Variants in ARMC2 observed in about 807,000 individuals in gnomAD.
ARMC2 encodes the protein armadillo repeat containing 2.
ARMC2 carries 67 observed loss-of-function variants against 90.3 expected under a neutral mutation model. That is an observed-to-expected ratio of 0.74 (90% CI 0.61 to 0.91). ARMC2 has a LOEUF of 0.91. Ranked by LOEUF, ARMC2 falls within the 40% of genes least tolerant of loss-of-function variation. The pLI is 0.00. For synonymous variants in ARMC2, 393 were observed against 393.0 expected (o/e 1.00, Z 0.00); for missense variants, 920 against 1,030.9 (o/e 0.89, Z 1.47).
At chr6:108,877,203 A>G (rs1777023355) in intron 5 of ARMC2, among the ~76,000 whole-genome samples, 1 of 152,238 alleles carries the variant, frequency 6.6e-6, no homozygotes, top group Non-Finnish European at 1.5e-5. Context: ...GATTTGCTTA[A>G]CAAGATTAAA....
chr6:108,858,359 C>T (rs936594915), intron 3 of ARMC2, 88 bp downstream of exon 3: 2 of 920,984 alleles, frequency 2.2e-6, no homozygotes, highest in African/African-American at 1.6e-5. Context: ...CTTATATATG[C>T]TATGATAATT....
At chr6:109,017,218 GAAA>G in the ARMC2 span, among the ~76,000 whole-genome samples, 1 of 152,196 alleles carries the variant, frequency 6.6e-6, no homozygotes, top group Non-Finnish European at 1.5e-5. Context: ...CCAATTAACA[GAAA>G]ACTTGATACT....
At chr6:108,973,001 A>G (rs62427208) in intron 17 of ARMC2, among the ~76,000 whole-genome samples, 2,571 of 152,236 alleles carry the variant, frequency 0.017, 39 homozygotes, top group Middle Eastern at 0.034. Context: ...GCCCATTTAA[A>G]TTAAGATACC....
intron 15 of ARMC2, 59 bp from the exon 16 acceptor site, chr6:108,964,121 A>G: frequency 1.9e-6 from 3 of 1,573,158 alleles, no homozygotes; most frequent in Non-Finnish European, 1.7e-6. Flanking sequence ...TCTGTAAAAC[A>G]AGAGACAGCT....
chr6:109,009,644 C>G, the ARMC2 span: 1 of 801,340 alleles, frequency 1.2e-6, no homozygotes, highest in South Asian at 5.7e-5. Context: ...CAAGCCAATG[C>G]GGGCTCGCGT....
At chr6:108,997,540 C>T in the ARMC2 span, among the ~76,000 whole-genome samples, 2 of 152,164 alleles carry the variant, frequency 1.3e-5, no homozygotes, top group Non-Finnish European at 2.9e-5. Flanking sequence ...TCTTATTTAG[C>T]ACCTGACAAA....
At chr6:108,959,071 A>G (rs531802368) in intron 13 of ARMC2, among the ~76,000 whole-genome samples, 33 of 152,268 alleles carry the variant, frequency 2.2e-4, no homozygotes, top group Non-Finnish European at 4.6e-4. Context: ...TTCCCTTTTT[A>G]TATACTTAAA....
In ARMC2 at chr6:108,953,320, G is replaced by A. The variant is rs111973916; in HGVS notation, c.1884G>A (p.Pro628=). 43 of 1,607,860 alleles carry A rather than the reference G, an allele frequency of 2.7e-5. No homozygotes were observed. Among genetic ancestry groups the A allele is most frequent in the African/African-American group, 2.7e-5 (2 of 75,058 alleles). The change falls in exon 13 of 18, where the codon CCG becomes CCA. Residue 628 remains proline (P), a synonymous_variant. Transcript: ENST00000392644. The part of the protein sequence containing the change: ...PGVGPVLAAN[P]GIVGLLLTTL... ...TGGGCCCGGTGCTGGCCGCCAACCC[G>A]GGGATAGTGGGCCTGCTCCTGACCA...
chr6:108,867,703 G>A (rs1443579371), intron 3 of ARMC2, among the ~76,000 whole-genome samples: 4 of 152,116 alleles, frequency 2.6e-5, no homozygotes, highest in Admixed American at 2.0e-4. Context: ...CCTGGGAGGC[G>A]GAGGTTGCGG....
chr6:108,909,730 T>C (rs774758117), intron 8 of ARMC2, among the ~76,000 whole-genome samples: 4 of 152,076 alleles, frequency 2.6e-5, no homozygotes, highest in Non-Finnish European at 5.9e-5. Context: ...GAGATGGGGT[T>C]TCACCACGTT....
At chr6:109,034,525 T>C in the ARMC2 span, among the ~76,000 whole-genome samples, 1 of 152,196 alleles carries the variant, frequency 6.6e-6, no homozygotes, top group Non-Finnish European at 1.5e-5. Context: ...GTAGTTTCCC[T>C]AGCATCTATT....
intron 3 of ARMC2, among the ~76,000 whole-genome samples, chr6:108,865,602 TG>T (rs1400160713): frequency 2.0e-5 from 3 of 152,246 alleles, no homozygotes; most frequent in African/African-American, 7.2e-5. Context: ...TTACTAATTT[TG>T]CACTAAGAAA....
chr6:108,953,290 G>T lies in ARMC2; in HGVS notation c.1854G>T (p.Pro618=). ...TGCTGGCCAACATTGCCATCCACCCGGGCGTGGGCCCGGTGCTGGCCGCCA... is the reference window on the plus strand; with the variant it reads ...TGCTGGCCAACATTGCCATCCACCCTGGCGTGGGCCCGGTGCTGGCCGCCA... ...TRVLANIAIH[P]GVGPVLAANP... is the part of the protein sequence containing the mutation. The change falls in exon 13 of 18, where the codon CCG becomes CCT. Residue 618 remains proline, a synonymous_variant. Coordinates refer to ENST00000392644, the MANE Select transcript of ARMC2 (RefSeq NM_032131.6). 6.2e-7 allele frequency: 1 copy of T among 1,611,960 alleles called. No individual in the cohort carries two copies.
At chr6:109,044,130 C>T in the ARMC2 span, among the ~76,000 whole-genome samples, 1 of 151,468 alleles carries the variant, frequency 6.6e-6, no homozygotes, top group Admixed American at 6.6e-5. Flanking sequence ...GCCGAAGCAA[C>T]ACAGGGAGAC....
chr6:108,969,506 A>G (rs1276692698), intron 17 of ARMC2, among the ~76,000 whole-genome samples: 1 of 152,242 alleles, frequency 6.6e-6, no homozygotes, highest in Non-Finnish European at 1.5e-5. Context: ...ATGATTGGTT[A>G]CCTAAATAAG....
At chr6:108,905,546 A>G (rs1353608814) in intron 8 of ARMC2, among the ~76,000 whole-genome samples, 2 of 151,976 alleles carry the variant, frequency 1.3e-5, no homozygotes, top group Non-Finnish European at 2.9e-5. Flanking sequence ...AGGAAAAAAA[A>G]AAAAAGAAAG....
intron 13 of ARMC2, 118 bp from the exon 14 acceptor site, chr6:108,961,454 T>C: frequency 8.6e-7 from 1 of 1,157,150 alleles, no homozygotes; most frequent in South Asian, 1.7e-5. Context: ...TCCAGGGCCT[T>C]TGTAGGGACC....
At chr6:108,886,812 C>T (rs1365006377) in intron 5 of ARMC2, among the ~76,000 whole-genome samples, 3 of 152,188 alleles carry the variant, frequency 2.0e-5, no homozygotes, top group South Asian at 2.1e-4. Context: ...GCTTGCTGAC[C>T]TCTGACTAAA....
the ARMC2 span, among the ~76,000 whole-genome samples, chr6:109,047,378 G>T: frequency 1.2e-5 from 1 of 82,734 alleles, no homozygotes; most frequent in African/African-American, 4.4e-5. Context: ...CAGCCGCCCC[G>T]TCCGGGAGGT....
Sources: allele counts gnomAD v4.1 joint callset (sites outside exome capture counted in the v4.1 genomes callset), GRCh38; gene constraint gnomAD v4.1.1; transcripts MANE v1.5; gene names NCBI Gene and HGNC (gene_info 2026-07-23, HGNC 2026-07-21).